DMD: variants seen among roughly 807,000 people sequenced by gnomAD.
The protein encoded by DMD is dystrophin, also known as mutant dystrophin.
Under a neutral mutation model 330.1 loss-of-function variants are expected in DMD, and 63 were observed. That is an observed-to-expected ratio of 0.19 (90% CI 0.16 to 0.24). DMD has a LOEUF of 0.24. DMD is among the 10% of genes least tolerant of loss of function. The probability of loss-of-function intolerance (pLI) is 1.00; values close to 1 mark genes in which losing one functional copy is unlikely to be tolerated. For synonymous variants in DMD, 1,223 were observed against 959.8 expected, an observed-to-expected ratio of 1.27 and a Z score of -5.07; for missense variants, 3,344 against 2,684.1, an observed-to-expected ratio of 1.25 and a Z score of -5.43.
chrX:31,716,757 A>C (rs867804188), intron 52 of DMD, among the ~76,000 whole-genome samples: 1 of 55,629 alleles, frequency 1.8e-5, no homozygotes, highest in African/African-American at 8.8e-5. Flanking sequence ...TTTATATATC[A>C]GTCGTATATA....
chrX:32,492,506 C>G (rs997949539), intron 19 of DMD, among the ~76,000 whole-genome samples: 2 of 112,333 alleles, frequency 1.8e-5, no homozygotes, highest in African/African-American at 6.5e-5. Context: ...GAAACACAAG[C>G]ATATCATTAT....
intron 47 of DMD, among the ~76,000 whole-genome samples, chrX:31,912,879 G>C (rs1323753307): frequency 8.9e-6 from 1 of 112,688 alleles, no homozygotes; most frequent in South Asian, 3.6e-4. Flanking sequence ...TTGGCCAATG[G>C]GATAGTAGCA....
At chrX:32,285,910 G>T (rs753521629) in intron 43 of DMD, among the ~76,000 whole-genome samples, 16 of 110,737 alleles carry the variant, frequency 1.4e-4, no homozygotes, top group Non-Finnish European at 3.0e-4. Flanking sequence ...ATGTTGGCCA[G>T]GCTGGTCTCG....
chrX:32,684,481 T>C (rs1230541239), intron 9 of DMD, among the ~76,000 whole-genome samples: 2 of 111,615 alleles, frequency 1.8e-5, no homozygotes, highest in African/African-American at 3.2e-5. Context: ...AACTATGTCT[T>C]ACATCATTTC....
chrX:31,928,679 A>T (rs1377927385), intron 47 of DMD, among the ~76,000 whole-genome samples: 1 of 111,605 alleles, frequency 9.0e-6, no homozygotes, highest in African/African-American at 3.3e-5. Flanking sequence ...ACTGAGCTGG[A>T]CACACGAAAT....
intron 63 of DMD, among the ~76,000 whole-genome samples, chrX:31,260,460 C>A (rs1436801693): frequency 9.0e-6 from 1 of 111,521 alleles, no homozygotes; most frequent in African/African-American, 3.3e-5. Context: ...ACAAAACAAG[C>A]CATACTAAAG....
At chrX:31,899,587 T>C (rs1175980230) in intron 47 of DMD, among the ~76,000 whole-genome samples, 2 of 111,438 alleles carry the variant, frequency 1.8e-5, no homozygotes, top group Admixed American at 1.9e-4. Context: ...CTGGATTTGT[T>C]GTCTCTAGGA....
At chrX:32,172,352 G>C (rs1439001071) in intron 44 of DMD, among the ~76,000 whole-genome samples, 1 of 111,762 alleles carries the variant, frequency 8.9e-6, no homozygotes, top group Non-Finnish European at 1.9e-5. Context: ...AATGTTATAA[G>C]GCATTTTGTG....
In DMD at chrX:32,476,149, TTTAATTGAACTTGAACATGTC is replaced by T. The variant is rs1415122751; in HGVS notation, c.2804-3861_2804-3841del. On this transcript the variant is annotated intron_variant, in intron 21 of 78. Coordinates refer to ENST00000357033, the MANE Select transcript of DMD (RefSeq NM_004006.3). ...GAATCATAAGCTTCATAAAATTTGG[TTTAATTGAACTTGAACATGTC>T]TCCTCTTTAACTTCTTTCTGGTCTT... Among the ~76,000 whole-genome samples, 18 of 110,760 alleles carry T rather than the reference TTTAATTGAACTTGAACATGTC, an allele frequency of 1.6e-4. No homozygotes were observed. The East Asian group carries it at 4.9e-3, about 30-fold the overall frequency.
chrX:33,163,931 TTAA>T (rs2048929116), intron 1 of DMD, among the ~76,000 whole-genome samples: 1 of 111,232 alleles, frequency 9.0e-6, no homozygotes, highest in South Asian at 3.7e-4. Flanking sequence ...ATTGTATGTC[TTAA>T]TAACTTTTTT....
intron 1 of DMD, among the ~76,000 whole-genome samples, chrX:33,281,004 T>A (rs2053321563): frequency 8.9e-6 from 1 of 111,992 alleles, no homozygotes; most frequent in South Asian, 3.6e-4. Flanking sequence ...AGAATTGTCT[T>A]AAAAATAGAT....
At chrX:32,141,435 C>CAAAACAAAAACA (rs201726305) in intron 44 of DMD, among the ~76,000 whole-genome samples, 16 of 96,146 alleles carry the variant, frequency 1.7e-4, no homozygotes, top group South Asian at 1.0e-3. Context: ...GACTCCGTCT[C>CAAAACAAAAACA]AAAACAAAAA....
intron 42 of DMD, among the ~76,000 whole-genome samples, 156 bp from the exon 43 acceptor site, chrX:32,287,857 T>C (rs895445604): frequency 9.0e-6 from 1 of 110,695 alleles, no homozygotes; most frequent in Admixed American, 9.7e-5. Flanking sequence ...GTCCAGTGAC[T>C]TTGACATGTT....
At chrX:32,898,148 C>T (rs939449018) in intron 2 of DMD, among the ~76,000 whole-genome samples, 2 of 111,832 alleles carry the variant, frequency 1.8e-5, no homozygotes, top group Non-Finnish European at 3.8e-5. Context: ...TGCTCCCTTC[C>T]CTTACTGCCA....
chrX:32,604,948 C>T (rs1602083686), intron 12 of DMD, among the ~76,000 whole-genome samples: 1 of 110,653 alleles, frequency 9.0e-6, no homozygotes, highest in African/African-American at 3.3e-5. Context: ...GGATTGGGAG[C>T]ATCAATATTG....
rs1010614009 is a variant in DMD, at chrX:32,153,440, A to T, written c.6438+63476T>A. Among the ~76,000 whole-genome samples, 9 of 111,120 alleles carry T rather than the reference A, an allele frequency of 8.1e-5. No individual in the cohort carries two copies. The East Asian group carries it at 1.4e-3, about 17-fold the overall frequency. ...TGGACCATAAGCCATAAATCTTTTTAAAAAAATCACCAAAATCTCAGCTAT... is the reference window on the plus strand; with the variant it reads ...TGGACCATAAGCCATAAATCTTTTTTAAAAAATCACCAAAATCTCAGCTAT... On this transcript the variant is annotated intron_variant, in intron 44 of 78. Transcript: ENST00000357033.
At chrX:32,111,951 T>C (rs911262287) in intron 44 of DMD, among the ~76,000 whole-genome samples, 7 of 112,225 alleles carry the variant, frequency 6.2e-5, no homozygotes, top group Non-Finnish European at 1.3e-4. Flanking sequence ...AATAAATTAT[T>C]CTCTTGTTAC....
intron 1 of DMD, among the ~76,000 whole-genome samples, chrX:33,328,645 A>G (rs997798140): frequency 1.8e-5 from 2 of 111,577 alleles, no homozygotes; most frequent in Non-Finnish European, 3.8e-5. Flanking sequence ...CTTCCAAAAG[A>G]GACAAGGAGT....
chrX:31,395,228 T>C (rs896450876), intron 60 of DMD, among the ~76,000 whole-genome samples: 10 of 112,172 alleles, frequency 8.9e-5, no homozygotes, highest in African/African-American at 3.2e-4. Context: ...TGGAAAGACT[T>C]TGGAGCTTAG....
Sources: gnomAD v4.1 joint callset for allele counts (sites outside exome capture counted in the v4.1 genomes callset) on GRCh38, gnomAD v4.1.1 for gene constraint, MANE v1.5 for transcripts, NCBI Gene and HGNC (gene_info 2026-07-23, HGNC 2026-07-21) for gene names.